Variants in MTHFD1 observed in about 807,000 individuals in gnomAD.
MTHFD1 encodes the protein methylenetetrahydrofolate dehydrogenase, cyclohydrolase and formyltetrahydrofolate synthetase 1, also known as C-1-tetrahydrofolate synthase, cytoplasmic.
MTHFD1 carries 44 observed loss-of-function variants against 110.3 expected under a neutral mutation model. The ratio of observed to expected loss-of-function variants is 0.40; its 90% CI spans 0.31 to 0.51. The LOEUF is 0.51. Ranked by LOEUF, MTHFD1 falls within the 20% of genes least tolerant of loss-of-function variation. The pLI is 0.60. For synonymous variants in MTHFD1, 402 were observed against 428.8 expected (o/e 0.94, Z 0.77); for missense variants, 909 against 1,173.1 (o/e 0.77, Z 3.29).
intron 16 of MTHFD1, among the ~76,000 whole-genome samples, chr14:64,436,117 T>A (rs2078204271): frequency 6.6e-6 from 1 of 152,030 alleles, no homozygotes; most frequent in African/African-American, 2.4e-5. Flanking sequence ...TTTTTTGAGA[T>A]GGAGTCTCGC....
At chr14:64,434,949 C>CTTTTT (rs374039248) in intron 15 of MTHFD1, among the ~76,000 whole-genome samples, 9 of 80,822 alleles carry the variant, frequency 1.1e-4, no homozygotes, top group Admixed American at 3.1e-4. Flanking sequence ...TCCCTCTTTT[C>CTTTTT]TTTTTTTTTT....
chr14:64,408,213 C>T lies in MTHFD1; in HGVS notation c.127-2877C>T, dbSNP rs180752865. Reference sequence around the variant, plus strand: ...CTCCTGGTATAAAAAAAAAGTGTCCCTAACCTGTTCTGGAATAGGATCTTT... The same window carrying T: ...CTCCTGGTATAAAAAAAAAGTGTCCTTAACCTGTTCTGGAATAGGATCTTT... On this transcript the variant is annotated intron_variant, in intron 2 of 27. Transcript: ENST00000652337. 2.0e-5 allele frequency among the ~76,000 whole-genome samples: 3 copies of T among 151,942 alleles called. No individual in the cohort carries two copies. In the East Asian group the frequency reaches 5.8e-4, roughly 29 times the overall value.
chr14:64,454,131 G>T (rs1490040433), intron 25 of MTHFD1, among the ~76,000 whole-genome samples: 1 of 152,174 alleles, frequency 6.6e-6, no homozygotes, highest in African/African-American at 2.4e-5. Context: ...TTGTTATTTT[G>T]AGATAGGGTC....
At chr14:64,395,644 C>T (rs1432003949) in intron 1 of MTHFD1, among the ~76,000 whole-genome samples, 1 of 152,126 alleles carries the variant, frequency 6.6e-6, no homozygotes, top group Admixed American at 6.5e-5. Flanking sequence ...GCAGTTTTTT[C>T]CTCCCTCTAC....
At position 64,459,932 on chromosome 14, in the gene MTHFD1, A is replaced by G. The variant is rs771755947; in HGVS notation, c.*178A>G. The G allele has an allele frequency of 7.2e-6, 11 of 1,532,372 alleles. No homozygotes were observed. Among genetic ancestry groups the G allele is most frequent in the African/African-American group, 1.4e-5 (1 of 72,916 alleles). 94.9% of individuals were successfully genotyped at this position (1,532,372 alleles called of 1,614,324 possible). A position where few individuals can be genotyped will look rare whatever the true frequency, so the allele number is the denominator to read the frequency against. On this transcript the variant is annotated 3_prime_UTR_variant, in exon 28 of 28. Coordinates refer to ENST00000652337, the MANE Select transcript of MTHFD1 (RefSeq NM_005956.4). ...TTTTCAGCCTTAATTCTCATCATGT[A>G]TAAATTAACATAAATCATGCATGTC...
At chr14:64,400,624 G>T (rs867988420) in intron 1 of MTHFD1, among the ~76,000 whole-genome samples, 169 bp from the exon 2 acceptor site, 1 of 152,196 alleles carries the variant, frequency 6.6e-6, no homozygotes, top group African/African-American at 2.4e-5. Context: ...GGAGGTCGAG[G>T]CTGCAGTGAG....
At chr14:64,405,631 C>T (rs1285129871) in intron 2 of MTHFD1, among the ~76,000 whole-genome samples, 1 of 152,180 alleles carries the variant, frequency 6.6e-6, no homozygotes, top group African/African-American at 2.4e-5. Flanking sequence ...ATTGATTGTG[C>T]CTCTCATCAA....
rs1168359452 is a variant in MTHFD1, at chr14:64,451,867, CTG to C, written c.2458-1883_2458-1882del. Among the ~76,000 whole-genome samples, 7 of 152,306 alleles carry C rather than the reference CTG, an allele frequency of 4.6e-5. No individual in the cohort carries two copies. In the East Asian group the frequency reaches 5.8e-4, roughly 13 times the overall value. ...GTTATGAGATGCATATGAAAATAAT[CTG>C]TGTTTCATCTTTATAAAGTCCTTAT... On this transcript the variant is annotated intron_variant, in intron 24 of 27. Transcript: ENST00000652337.
chr14:64,455,815 C>T (rs887420104), intron 26 of MTHFD1, among the ~76,000 whole-genome samples: 2 of 152,194 alleles, frequency 1.3e-5, no homozygotes, highest in African/African-American at 4.8e-5. Flanking sequence ...AAGGTGAGAG[C>T]CCTGCTGCCC....
chr14:64,438,438 T>A (rs1301813568), intron 16 of MTHFD1, among the ~76,000 whole-genome samples: 1 of 152,200 alleles, frequency 6.6e-6, no homozygotes. Context: ...AGGTCAAATA[T>A]ATTTCCTATT....
chr14:64,393,413 G>GAA (rs528700089), intron 1 of MTHFD1, among the ~76,000 whole-genome samples: 6 of 140,560 alleles, frequency 4.3e-5, no homozygotes, highest in Admixed American at 7.1e-5. Context: ...ATCTCAGAAA[G>GAA]AAAAAAAAAA....
rs763332929 is a variant in MTHFD1, at chr14:64,449,590, C to A, written c.2425C>A (p.Pro809Thr). 1.2e-6 allele frequency: 2 copies of A among 1,614,066 alleles called. No homozygotes were observed. The highest frequency in any genetic ancestry group is 1.7e-6 in the Non-Finnish European group (2 of 1,180,052). The change falls in exon 24 of 28, where the codon CCC becomes ACC. Residue 809 changes from proline (P) to threonine (T), a missense_variant. Physicochemically the swap from Pro to Thr is conservative, Grantham distance 38. This residue lies in a region of MTHFD1 where 482 missense variants were observed against 646.0 expected (regional missense o/e 0.75). Coordinates refer to ENST00000652337, the MANE Select transcript of MTHFD1 (RefSeq NM_005956.4). Reference sequence around the variant, plus strand: ...GGCCGTCCAGAGAGCAGCACAAGCACCCAGCAGCTTCCAGCTCCTTTATGA... The same window carrying A: ...GGCCGTCCAGAGAGCAGCACAAGCAACCAGCAGCTTCCAGCTCCTTTATGA... ...AQAVQRAAQA[P>T]SSFQLLYDLK...
chr14:64,392,694 G>C (rs548048966), intron 1 of MTHFD1, among the ~76,000 whole-genome samples: 3 of 152,276 alleles, frequency 2.0e-5, no homozygotes, highest in African/African-American at 7.2e-5. Context: ...CTGTGCCTTA[G>C]CTTCTGTATA....
At chr14:64,396,679 G>A (rs989487653) in intron 1 of MTHFD1, among the ~76,000 whole-genome samples, 4 of 151,254 alleles carry the variant, frequency 2.6e-5, no homozygotes, top group Admixed American at 1.3e-4. Context: ...GATTATAGGC[G>A]TGAGCCACCG....
chr14:64,411,842 G>A (rs1438617930), intron 3 of MTHFD1, among the ~76,000 whole-genome samples: 2 of 151,974 alleles, frequency 1.3e-5, no homozygotes, highest in Non-Finnish European at 2.9e-5. Flanking sequence ...CGGAGGTTGT[G>A]GTGAGCCAAG....
chr14:64,441,194 AAAAT>A (rs1179255123), intron 18 of MTHFD1, 187 bp from the exon 19 acceptor site: 2 of 616,538 alleles, frequency 3.2e-6, no homozygotes, highest in African/African-American at 3.7e-5. Flanking sequence ...TCCGTCTCAA[AAAAT>A]AAATAATTTA....
intron 17 of MTHFD1, among the ~76,000 whole-genome samples, chr14:64,439,639 G>A (rs2078232686): frequency 1.3e-5 from 2 of 151,822 alleles, no homozygotes; most frequent in Non-Finnish European, 2.9e-5. Context: ...GGTGGCTCAC[G>A]CCTGTAATCC....
intron 8 of MTHFD1, among the ~76,000 whole-genome samples, chr14:64,421,398 C>T (rs116810462): frequency 3.4e-4 from 52 of 152,296 alleles, no homozygotes; most frequent in African/African-American, 1.2e-3. Context: ...CAGATGTAGA[C>T]GCTGAGCTGC....
chr14:64,434,949 C>CTTTTTTTTTTTTTT (rs374039248), intron 15 of MTHFD1, among the ~76,000 whole-genome samples: 1 of 80,824 alleles, frequency 1.2e-5, no homozygotes, highest in East Asian at 4.8e-4. Flanking sequence ...TCCCTCTTTT[C>CTTTTTTTTTTTTTT]TTTTTTTTTT....
Sources: gnomAD v4.1 joint callset for allele counts (sites outside exome capture counted in the v4.1 genomes callset) on GRCh38, gnomAD v4.1.1 for gene constraint, gnomAD v4.1.1 regional missense constraint, MANE v1.5 for transcripts, NCBI Gene and HGNC (gene_info 2026-07-23, HGNC 2026-07-21) for gene names.